The following CRADD variants were observed in gnomAD, a reference collection of about 807,000 sequenced individuals.
The protein encoded by CRADD is CARD and death domain containing adaptor protein, also known as death domain-containing protein CRADD.
Under a neutral mutation model 15.5 loss-of-function variants are expected in CRADD, and 9 were observed. The ratio of observed to expected loss-of-function variants is 0.58; its 90% CI spans 0.35 to 1.01. The LOEUF is 1.01. Ranked by LOEUF, CRADD falls within the 50% of genes least tolerant of loss-of-function variation. The pLI is 0.02. For missense variants in CRADD, 227 were observed against 250.3 expected (o/e 0.91, Z 0.63); for synonymous variants, 118 against 107.6 (o/e 1.10, Z -0.60).
chr12:93,766,740 G>A (rs1957030417), intron 2 of CRADD, among the ~76,000 whole-genome samples: 1 of 152,190 alleles, frequency 6.6e-6, no homozygotes, highest in Non-Finnish European at 1.5e-5. Flanking sequence ...TAGTATTAAT[G>A]GCATCAACCA....
chr12:93,828,450 T>C (rs114072760), intron 2 of CRADD, among the ~76,000 whole-genome samples: 165 of 152,364 alleles, frequency 1.1e-3, no homozygotes, highest in African/African-American at 3.9e-3. Flanking sequence ...GGTTTTCCAT[T>C]TGGGTCTATG....
intron 1 of CRADD, among the ~76,000 whole-genome samples, chr12:93,678,549 GAAAC>G (rs1164137530): frequency 6.6e-6 from 1 of 152,052 alleles, no homozygotes; most frequent in Non-Finnish European, 1.5e-5. Flanking sequence ...GTGAAAAGCA[GAAAC>G]AGAAAAGATG....
intron 2 of CRADD, among the ~76,000 whole-genome samples, chr12:93,795,114 A>G (rs1023503612): frequency 1.3e-5 from 2 of 152,228 alleles, no homozygotes; most frequent in Non-Finnish European, 2.9e-5. Context: ...CTACCTATAA[A>G]GTCCAGAAGA....
At chr12:93,728,465 T>C (rs1956407719) in intron 2 of CRADD, among the ~76,000 whole-genome samples, 1 of 152,266 alleles carries the variant, frequency 6.6e-6, no homozygotes, top group African/African-American at 2.4e-5. Flanking sequence ...TTTTTGTCCA[T>C]ATTAACCTAA....
Position 93,868,686 on chromosome 12 carries a change from G to GCACACACACACA in CRADD, c.299-25347_299-25336dup, listed in dbSNP as rs570970896. 3.7e-3 allele frequency among the ~76,000 whole-genome samples: 523 copies of GCACACACACACA among 142,910 alleles called. 4 individuals are homozygous for GCACACACACACA. Among genetic ancestry groups the GCACACACACACA allele is most frequent in the African/African-American group, 0.013 (503 of 39,244 alleles). 93.8% of individuals were successfully genotyped at this position (142,910 alleles called of 152,430 possible). A position where few individuals can be genotyped will look rare whatever the true frequency, so the allele number is the denominator to read the frequency against. On this transcript the variant is annotated intron_variant, in intron 2 of 2. Transcript: ENST00000548483. ...TTCTCTCTCTCCCTCTCTCTCTCTT[G>GCACACACACACA]CACACACACACACACACACACACAC...
chr12:93,832,099 A>G (rs771952828), intron 2 of CRADD, among the ~76,000 whole-genome samples: 1 of 152,196 alleles, frequency 6.6e-6, no homozygotes, highest in South Asian at 2.1e-4. Flanking sequence ...TCCCATGACA[A>G]ATCTTGTTAG....
intron 2 of CRADD, among the ~76,000 whole-genome samples, chr12:93,811,282 G>A (rs1957623720): frequency 6.6e-6 from 1 of 152,200 alleles, no homozygotes; most frequent in Admixed American, 6.5e-5. Flanking sequence ...GTGCCTTACA[G>A]CCCCTCCCCA....
At chr12:93,756,349 C>CTT (rs778350255) in intron 2 of CRADD, among the ~76,000 whole-genome samples, 2 of 152,170 alleles carry the variant, frequency 1.3e-5, no homozygotes, top group Admixed American at 6.5e-5. Flanking sequence ...ATTAGTTAAG[C>CTT]CATGATCCAG....
chr12:93,776,881 G>T (rs908266907), intron 2 of CRADD, among the ~76,000 whole-genome samples: 1 of 152,174 alleles, frequency 6.6e-6, no homozygotes, highest in Non-Finnish European at 1.5e-5. Flanking sequence ...GGGAGGTGGG[G>T]ATGATTTGGG....
intron 2 of CRADD, among the ~76,000 whole-genome samples, chr12:93,864,474 A>G (rs1222313667): frequency 2.6e-5 from 4 of 152,338 alleles, no homozygotes; most frequent in Admixed American, 6.5e-5. Context: ...CAAAGGTCAC[A>G]TGTTTAATGT....
intron 2 of CRADD, among the ~76,000 whole-genome samples, chr12:93,679,395 G>T (rs1475495215): frequency 6.6e-6 from 1 of 152,096 alleles, no homozygotes; most frequent in Non-Finnish European, 1.5e-5. Flanking sequence ...ACCCACCTCC[G>T]CCTCCCAAAG....
At chr12:93,730,832 C>T (rs1242160079) in intron 2 of CRADD, among the ~76,000 whole-genome samples, 3 of 151,812 alleles carry the variant, frequency 2.0e-5, no homozygotes, top group Admixed American at 2.0e-4. Flanking sequence ...TCTCCCACCT[C>T]AGCCTCCCAA....
At chr12:93,776,385 A>T (rs911767341) in intron 2 of CRADD, among the ~76,000 whole-genome samples, 3 of 152,150 alleles carry the variant, frequency 2.0e-5, no homozygotes, top group Non-Finnish European at 4.4e-5. Context: ...TGTATTTAAA[A>T]TTTTTTTGAA....
At chr12:93,704,470 G>A (rs1179215979) in intron 2 of CRADD, among the ~76,000 whole-genome samples, 3 of 151,948 alleles carry the variant, frequency 2.0e-5, no homozygotes, top group African/African-American at 7.3e-5. Flanking sequence ...TTCCTTCTTT[G>A]CTGTACCTAC....
At chr12:93,779,029 T>C (rs1482125315) in intron 2 of CRADD, among the ~76,000 whole-genome samples, 5 of 152,220 alleles carry the variant, frequency 3.3e-5, no homozygotes, top group African/African-American at 1.2e-4. Context: ...ACAACGATTA[T>C]AGGTTAGTAT....
intron 2 of CRADD, among the ~76,000 whole-genome samples, chr12:93,828,460 G>A (rs1414312892): frequency 6.6e-6 from 1 of 152,206 alleles, no homozygotes; most frequent in Non-Finnish European, 1.5e-5. Flanking sequence ...TTGGGTCTAT[G>A]ATCCATGTTG....
intron 2 of CRADD, among the ~76,000 whole-genome samples, chr12:93,840,702 G>C (rs1265454657): frequency 6.6e-6 from 1 of 152,096 alleles, no homozygotes; most frequent in African/African-American, 2.4e-5. Context: ...GAGTAGCTGG[G>C]ATTACAGGCA....
At chr12:93,877,167 C>T (rs1958463453) in intron 2 of CRADD, among the ~76,000 whole-genome samples, 1 of 152,214 alleles carries the variant, frequency 6.6e-6, no homozygotes, top group African/African-American at 2.4e-5. Flanking sequence ...ACCAAACAAA[C>T]AGTCTCTCCT....
chr12:93,851,598 G>A (rs1958222281), downstream of CRADD, among the ~76,000 whole-genome samples: 2 of 152,316 alleles, frequency 1.3e-5, no homozygotes, highest in South Asian at 2.1e-4. Context: ...GTGGCTGAAG[G>A]TATGGTTAGA....
Sources: allele counts gnomAD v4.1 joint callset (sites outside exome capture counted in the v4.1 genomes callset), GRCh38; gene constraint gnomAD v4.1.1; transcripts MANE v1.5; gene names NCBI Gene and HGNC (gene_info 2026-07-23, HGNC 2026-07-21).